The following TMEM74 variants were observed in gnomAD, a reference collection of about 807,000 sequenced individuals.
The protein encoded by TMEM74 is transmembrane protein 74.
Under a neutral mutation model 18.1 loss-of-function variants are expected in TMEM74, and 13 were observed. That is an observed-to-expected ratio of 0.72 (90% CI 0.47 to 1.14). TMEM74 has a LOEUF of 1.14. TMEM74 is among the 50% of genes most tolerant of loss of function. The pLI is 0.00. For synonymous variants in TMEM74, 159 were observed against 146.6 expected (o/e 1.08, Z -0.61); for missense variants, 372 against 375.9 (o/e 0.99, Z 0.09).
At chr8:108,744,758 C>G (rs1228471139) in intron 1 of TMEM74, among the ~76,000 whole-genome samples, 1 of 152,014 alleles carries the variant, frequency 6.6e-6, no homozygotes. Flanking sequence ...AGATTGTAGA[C>G]CTAAAGTTAC....
chr8:108,641,561 A>G (rs192327023), intron 2 of TMEM74, among the ~76,000 whole-genome samples: 1 of 152,192 alleles, frequency 6.6e-6, no homozygotes, highest in East Asian at 1.9e-4. Flanking sequence ...ATGTTAACTC[A>G]CCCACAATAC....
intron 1 of TMEM74, among the ~76,000 whole-genome samples, chr8:108,759,524 A>G (rs1401316368): frequency 2.0e-5 from 3 of 152,136 alleles, no homozygotes; most frequent in Non-Finnish European, 4.4e-5. Context: ...ATATGTCCAT[A>G]AAGTGAATAT....
chr8:108,657,875 T>TTAATTAC (rs1462156502), intron 1 of TMEM74, among the ~76,000 whole-genome samples: 1 of 55,572 alleles, frequency 1.8e-5, no homozygotes, highest in African/African-American at 7.7e-5. Context: ...TATATATATA[T>TTAATTAC]ATATATATAT....
intron 1 of TMEM74, among the ~76,000 whole-genome samples, chr8:108,723,220 C>T (rs902322924): frequency 4.1e-4 from 62 of 152,146 alleles, no homozygotes; most frequent in African/African-American, 1.5e-3. Context: ...ATTTAAATTG[C>T]ACAGATTCAC....
chr8:108,621,732 T>C (rs1305134209), intron 2 of TMEM74, among the ~76,000 whole-genome samples: 2 of 152,168 alleles, frequency 1.3e-5, no homozygotes, highest in Non-Finnish European at 2.9e-5. Flanking sequence ...TCAAATCATC[T>C]TTGTTACTAG....
chr8:108,690,389 GT>G (rs1424940442), intron 1 of TMEM74, among the ~76,000 whole-genome samples: 10 of 147,368 alleles, frequency 6.8e-5, no homozygotes, highest in African/African-American at 1.3e-4. Flanking sequence ...TTTTTTGTTT[GT>G]TTTTTTTTAG....
chr8:108,707,530 A>C (rs747568478), intron 1 of TMEM74, among the ~76,000 whole-genome samples: 9 of 152,166 alleles, frequency 5.9e-5, no homozygotes, highest in Admixed American at 1.3e-4. Flanking sequence ...CACATTTTTA[A>C]ATAAACCCAC....
chr8:108,620,458 C>T (rs1812428307), intron 2 of TMEM74, among the ~76,000 whole-genome samples: 1 of 152,102 alleles, frequency 6.6e-6, no homozygotes, highest in Non-Finnish European at 1.5e-5. Flanking sequence ...AAACACCTGT[C>T]AGCAACTTTC....
chr8:108,761,229 T>C (rs887208720), intron 1 of TMEM74, among the ~76,000 whole-genome samples: 2 of 152,070 alleles, frequency 1.3e-5, no homozygotes, highest in African/African-American at 4.8e-5. Flanking sequence ...GAACGTGGGC[T>C]CTATCCAGGA....
At chr8:108,724,246 G>C (rs989605349) in intron 1 of TMEM74, among the ~76,000 whole-genome samples, 3 of 152,066 alleles carry the variant, frequency 2.0e-5, no homozygotes, top group Non-Finnish European at 4.4e-5. Context: ...TCATCATCAT[G>C]TTTCCCAAAA....
At chr8:108,703,459 G>C (rs1276003446) in intron 1 of TMEM74, among the ~76,000 whole-genome samples, 3 of 152,130 alleles carry the variant, frequency 2.0e-5, no homozygotes, top group African/African-American at 7.2e-5. Flanking sequence ...TCTGGTATAT[G>C]TATCAAGTGT....
intron 1 of TMEM74, among the ~76,000 whole-genome samples, chr8:108,674,390 C>T (rs1813032917): frequency 6.6e-6 from 1 of 152,122 alleles, no homozygotes; most frequent in East Asian, 1.9e-4. Flanking sequence ...ATATCCTTGG[C>T]TTTTCGTCTT....
chr8:108,769,160 T>C, intron 1 of TMEM74, among the ~76,000 whole-genome samples: 1 of 145,614 alleles, frequency 6.9e-6, no homozygotes, highest in South Asian at 2.2e-4. Context: ...TTACTACTAC[T>C]ACTAAAAAAA....
At chr8:108,690,233 C>T (rs1586262221) in intron 1 of TMEM74, among the ~76,000 whole-genome samples, 2 of 152,082 alleles carry the variant, frequency 1.3e-5, no homozygotes, top group East Asian at 1.9e-4. Context: ...ATCAGCAAGG[C>T]TAACTTTGTC....
At position 108,611,223 on chromosome 8, in the gene TMEM74, T is replaced by C. The variant is rs1812330751; in HGVS notation, n.265-2397A>G. 4.6e-5 allele frequency among the ~76,000 whole-genome samples: 7 copies of C among 152,288 alleles called. No individual in the cohort carries two copies. In the South Asian group the frequency reaches 1.5e-3, roughly 32 times the overall value. ...TGTATCTGAGATCCATGGATTAAAGTATAGGGTGTATATCTGCAGTAGGTG... is the reference window on the plus strand; with the variant it reads ...TGTATCTGAGATCCATGGATTAAAGCATAGGGTGTATATCTGCAGTAGGTG... On this transcript the variant is annotated intron_variant and non_coding_transcript_variant, in intron 2 of 3. Transcript: ENST00000518838.
Position 108,736,200 on chromosome 8 carries a change from C to T in TMEM74, n.119+51276G>A, listed in dbSNP as rs79474949. ...ACCACCAACCTAGCATCACCATTGA[C>T]TGTTAACATAAGAAAGTACTTTCTG... On this transcript the variant is annotated intron_variant and non_coding_transcript_variant, in intron 1 of 3. Coordinates refer to the TMEM74 transcript ENST00000518838. Among the ~76,000 whole-genome samples the T allele has an allele frequency of 6.2e-3, 938 of 152,226 alleles. 11 individuals carry two copies. Among genetic ancestry groups the T allele is most frequent in the African/African-American group, 0.021 (877 of 41,562 alleles).
At chr8:108,777,660 A>G (rs1422147779), downstream of TMEM74, among the ~76,000 whole-genome samples, 2 of 152,172 alleles carry the variant, frequency 1.3e-5, no homozygotes, top group African/African-American at 4.8e-5. Flanking sequence ...TTCCTTCTAA[A>G]CTTAATATAT....
intron 2 of TMEM74, among the ~76,000 whole-genome samples, chr8:108,627,949 C>G (rs1157497724): frequency 6.6e-6 from 1 of 151,824 alleles, no homozygotes; most frequent in Admixed American, 6.6e-5. Flanking sequence ...CAGCTACTCA[C>G]GAGGCTGATG....
chr8:108,690,977 G>C (rs1283068526), intron 1 of TMEM74, among the ~76,000 whole-genome samples: 1 of 152,182 alleles, frequency 6.6e-6, no homozygotes, highest in Non-Finnish European at 1.5e-5. Context: ...AGGCATGGAG[G>C]CTGGGTTTAA....
Sources: allele counts gnomAD v4.1 joint callset (sites outside exome capture counted in the v4.1 genomes callset), GRCh38; gene constraint gnomAD v4.1.1; transcripts MANE v1.5; gene names NCBI Gene and HGNC (gene_info 2026-07-23, HGNC 2026-07-21).